The following ADGRV1 variants were observed in gnomAD, a reference collection of about 807,000 sequenced individuals.
ADGRV1 encodes the protein G-protein coupled receptor 98.
In ADGRV1, 359 loss-of-function variants were observed where a neutral mutation model predicts 596.2. The ratio of observed to expected loss-of-function variants is 0.60; its 90% confidence interval spans 0.55 to 0.66. The LOEUF is 0.66. Among genes scored for constraint, ADGRV1 ranks in the 30% least tolerant of loss-of-function variants. The pLI, the probability that ADGRV1 is intolerant of heterozygous loss-of-function variation, is 0.00. For missense variants in ADGRV1, 7,274 were observed against 7,575.6 expected, an observed-to-expected ratio of 0.96 and a Z score of 1.48; for synonymous variants, 2,681 against 2,679.2, an observed-to-expected ratio of 1.00 and a Z score of -0.02.
chr5:91,137,045 A>G (rs1233159632), intron 87 of ADGRV1, among the ~76,000 whole-genome samples: 1 of 152,244 alleles, frequency 6.6e-6, no homozygotes, highest in Non-Finnish European at 1.5e-5. Flanking sequence ...GGTCATGGCA[A>G]TTAAAAGTGG....
At chr5:90,893,466 G>A (rs548218224) in intron 83 of ADGRV1, among the ~76,000 whole-genome samples, 2 of 152,270 alleles carry the variant, frequency 1.3e-5, no homozygotes, top group East Asian at 1.9e-4. Context: ...ATCAGGAGGT[G>A]GGGATCACTG....
At chr5:90,642,429 A>G (rs984727646) in intron 11 of ADGRV1, among the ~76,000 whole-genome samples, 3 of 152,218 alleles carry the variant, frequency 2.0e-5, no homozygotes, top group African/African-American at 7.2e-5. Flanking sequence ...TAATGAATTC[A>G]GAAATAGAAG....
intron 59 of ADGRV1, among the ~76,000 whole-genome samples, chr5:90,773,285 G>C (rs921679516): frequency 6.6e-5 from 10 of 152,002 alleles, no homozygotes; most frequent in African/African-American, 2.4e-4. Flanking sequence ...AATATGATGG[G>C]AAGAGTTTTG....
At chr5:91,091,377 G>T (rs1388953606) in intron 86 of ADGRV1, among the ~76,000 whole-genome samples, 1 of 152,056 alleles carries the variant, frequency 6.6e-6, no homozygotes, top group Non-Finnish European at 1.5e-5. Flanking sequence ...ACAATTTCTT[G>T]TCAATTTTAC....
At chr5:90,933,739 T>G (rs1157308796) in intron 83 of ADGRV1, among the ~76,000 whole-genome samples, 3 of 152,198 alleles carry the variant, frequency 2.0e-5, no homozygotes, top group Non-Finnish European at 4.4e-5. Flanking sequence ...TTCTGTTTTT[T>G]GTTTAGGTTC....
intron 67 of ADGRV1, among the ~76,000 whole-genome samples, chr5:90,785,024 A>G (rs1029602476): frequency 2.6e-5 from 4 of 152,196 alleles, no homozygotes; most frequent in Non-Finnish European, 2.9e-5. Flanking sequence ...AAACTGTACT[A>G]CAAGGCTACA....
intron 89 of ADGRV1, among the ~76,000 whole-genome samples, chr5:91,156,824 A>G (rs116691697): frequency 6.6e-6 from 1 of 152,342 alleles, no homozygotes; most frequent in African/African-American, 2.4e-5. Flanking sequence ...AGGTCAGTCT[A>G]CATGCCATTT....
intron 83 of ADGRV1, among the ~76,000 whole-genome samples, chr5:90,916,928 T>G (rs988103561): frequency 1.3e-5 from 2 of 152,194 alleles, no homozygotes; most frequent in Middle Eastern, 3.2e-3. Flanking sequence ...CACCGCGCCC[T>G]GCCACAAATT....
At chr5:91,066,219 C>G (rs1787873562) in intron 85 of ADGRV1, among the ~76,000 whole-genome samples, 1 of 152,202 alleles carries the variant, frequency 6.6e-6, no homozygotes, top group African/African-American at 2.4e-5. Flanking sequence ...CTGCTTATTT[C>G]TTATGTTACA....
At chr5:90,897,885 C>T (rs950584413) in intron 83 of ADGRV1, among the ~76,000 whole-genome samples, 2 of 152,150 alleles carry the variant, frequency 1.3e-5, no homozygotes, top group Admixed American at 1.3e-4. Flanking sequence ...TGCCAAACCC[C>T]ATAACAGTAG....
chr5:90,685,775 T>C lies in ADGRV1; in HGVS notation c.6275-5T>C. On this transcript the variant is annotated splice_polypyrimidine_tract_variant and splice_region_variant and intron_variant, in intron 28 of 89. Coordinates refer to ENST00000405460, the MANE Select transcript of ADGRV1 (RefSeq NM_032119.4). The stretch of plus-strand genomic sequence containing the variant: ...TGTGTTCTGTGTGGATCTTCTGTCT[T>C]TCAGTTCCAAATTCTCCACGTCTTG... 1 of 1,600,978 alleles carries C rather than the reference T, an allele frequency of 6.2e-7. No individual in the cohort carries two copies. The highest frequency in any genetic ancestry group is 8.5e-7 in the Non-Finnish European group (1 of 1,175,416).
At chr5:91,118,546 T>A (rs563374532) in intron 87 of ADGRV1, among the ~76,000 whole-genome samples, 104 of 152,294 alleles carry the variant, frequency 6.8e-4, no homozygotes, top group African/African-American at 2.3e-3. Flanking sequence ...CTTCCACTGA[T>A]ACTGACTCTG....
chr5:90,871,591 A>G (rs1221109906), intron 83 of ADGRV1, among the ~76,000 whole-genome samples: 1 of 152,248 alleles, frequency 6.6e-6, no homozygotes, highest in Non-Finnish European at 1.5e-5. Context: ...TTTCGTTACT[A>G]GGAAAATTTG....
intron 72 of ADGRV1, 23 bp from the exon 73 acceptor site, chr5:90,807,579 T>A: frequency 1.2e-6 from 2 of 1,601,308 alleles, no homozygotes; most frequent in Non-Finnish European, 1.7e-6. Context: ...TACCCTACTT[T>A]GCTTTTTCAT....
Position 91,072,461 on chromosome 5 carries a change from A to G in ADGRV1, c.18167A>G (p.Asn6056Ser). Residue 6056 changes from asparagine (N) to serine (S), a missense_variant, in exon 86 of 90, where the codon AAC (asparagine) becomes AGC (serine). By Grantham distance (46) the Asn-to-Ser change is conservative (BLOSUM62 1). This residue lies in a region of ADGRV1 where 1,874 missense variants were observed against 1,970.2 expected (regional missense o/e 0.95). Transcript: ENST00000405460. The stretch of plus-strand genomic sequence containing the variant: ...TTCTCTTCCAGGTGTTTTATTCCAA[A>G]CGTCTATGCTGCTTTGTTCACTGCA... ...LIHGDLCFIP[N>S]VYAALFTAAL... 2 of 1,613,664 alleles carry G rather than the reference A, an allele frequency of 1.2e-6. No homozygotes were observed. The highest frequency in any genetic ancestry group is 1.7e-5 in the Admixed American group (1 of 60,000).
Position 90,558,912 on chromosome 5 carries a change from G to C in ADGRV1, c.17G>C (p.Gly6Ala). 2 of 1,558,390 alleles carry C rather than the reference G, an allele frequency of 1.3e-6. No homozygotes were observed. The highest frequency in any genetic ancestry group is 2.4e-5 in the South Asian group (2 of 84,796). The change falls in exon 1 of 90, where the codon GGG becomes GCG. Residue 6 changes from glycine to alanine, a missense_variant. By Grantham distance (60) the Gly-to-Ala change is moderately conservative (BLOSUM62 0). Around this residue, in one of 5 missense-constraint regions of ADGRV1, gnomAD observed 1,715 missense variants for 1,708.8 expected, o/e 1.00. Coordinates refer to ENST00000405460, the MANE Select transcript of ADGRV1 (RefSeq NM_032119.4). ...AGCGCGCGGATGTCGGTGTTCCTGG[G>C]GCCAGGTAGGCTATGGCTGAGGGGT... MSVFL[G>A]PGMPSASLLV...
intron 10 of ADGRV1, 32 bp downstream of exon 10, chr5:90,635,322 A>G (rs1198819702): frequency 6.4e-7 from 1 of 1,559,936 alleles, no homozygotes; most frequent in South Asian, 1.2e-5. Context: ...GATGGGGGCT[A>G]ATGAGTATGA....
At position 90,815,711 on chromosome 5, in the gene ADGRV1, C is replaced by G. The variant is rs1244666968; in HGVS notation, c.16171C>G (p.Leu5391Val). Residue 5391 changes from leucine (L) to valine (V), a missense_variant, in exon 75 of 90, where the codon CTT becomes GTT. Physicochemically the swap from Leu to Val is conservative, Grantham distance 32. This residue lies in a region of ADGRV1 where 1,874 missense variants were observed against 1,970.2 expected (regional missense o/e 0.95). Coordinates refer to ENST00000405460, the MANE Select transcript of ADGRV1 (RefSeq NM_032119.4). ...AGGAGCTGTTATGAGAAGATTGCAC[C>G]TTATTGTCACAAGACAGCCAAACAG... is the stretch of plus-strand genomic sequence containing the variant. ...REGAVMRRLHLIVTRQPNRAF... is the reference protein window; with the variant it reads ...REGAVMRRLHVIVTRQPNRAF... 6.4e-7 allele frequency: 1 copy of G among 1,562,660 alleles called. No individual in the cohort carries two copies. Among genetic ancestry groups the G allele is most frequent in the South Asian group, 1.2e-5 (1 of 84,878 alleles).
chr5:91,083,761 T>G (rs1789623594), intron 86 of ADGRV1, among the ~76,000 whole-genome samples: 1 of 152,166 alleles, frequency 6.6e-6, no homozygotes, highest in Admixed American at 6.6e-5. Flanking sequence ...TCAAGGCCAC[T>G]ATGTCCCTGC....
Sources: gnomAD v4.1 joint callset for allele counts (sites outside exome capture counted in the v4.1 genomes callset) on GRCh38, gnomAD v4.1.1 for gene constraint, gnomAD v4.1.1 regional missense constraint, MANE v1.5 for transcripts, NCBI Gene and HGNC (gene_info 2026-07-23, HGNC 2026-07-21) for gene names.